Variants in LIN9 observed in about 807,000 individuals in gnomAD.
LIN9 encodes lin-9 DREAM MuvB core complex component.
A neutral mutation model predicts 78.0 loss-of-function variants in LIN9; 18 were observed. The ratio of observed to expected loss-of-function variants is 0.23; its 90% CI spans 0.16 to 0.34. The LOEUF (loss-of-function observed/expected upper bound fraction) is 0.34. Among genes scored for constraint, LIN9 ranks in the 10% least tolerant of loss-of-function variants. The pLI is 1.00. For missense variants in LIN9, 451 were observed against 644.1 expected (o/e 0.70, Z 3.25); for synonymous variants, 192 against 215.2 (o/e 0.89, Z 0.94).
intron 7 of LIN9, among the ~76,000 whole-genome samples, chr1:226,272,715 T>C (rs902699056): frequency 6.6e-5 from 10 of 151,932 alleles, no homozygotes; most frequent in African/African-American, 2.4e-4. Flanking sequence ...CTAGATTGAT[T>C]GTATTCCCAT....
At chr1:226,284,407 G>T (rs1179412452) in intron 6 of LIN9, among the ~76,000 whole-genome samples, 1 of 151,816 alleles carries the variant, frequency 6.6e-6, no homozygotes, top group Admixed American at 6.6e-5. Context: ...TCTTATATGT[G>T]AATTTTAGAA....
intron 2 of LIN9, among the ~76,000 whole-genome samples, chr1:226,300,762 A>G (rs776356288): frequency 6.6e-6 from 1 of 152,120 alleles, no homozygotes; most frequent in Non-Finnish European, 1.5e-5. Flanking sequence ...GGGCTGAGGC[A>G]GGAGAATCGC....
Position 226,303,307 on chromosome 1 carries a change from T to C in LIN9, c.32-2102A>G, listed in dbSNP as rs151314048. Among the ~76,000 whole-genome samples the C allele has an allele frequency of 1.7e-4, 26 of 152,314 alleles. No individual in the cohort carries two copies. The East Asian group carries it at 2.1e-3, about 12-fold the overall frequency. On this transcript the variant is annotated intron_variant, in intron 1 of 14. Coordinates refer to ENST00000681046, the MANE Select transcript of LIN9 (RefSeq NM_001366245.2). ...AAAATAGTCAAAGTCCCTGCTCTCATGGAATGTACATTCTAGTGATGGGAG... is the reference window on the plus strand; with the variant it reads ...AAAATAGTCAAAGTCCCTGCTCTCACGGAATGTACATTCTAGTGATGGGAG...
intron 4 of LIN9, among the ~76,000 whole-genome samples, chr1:226,292,800 T>G (rs900612097): frequency 4.0e-5 from 6 of 151,880 alleles, no homozygotes; most frequent in Non-Finnish European, 5.9e-5. Flanking sequence ...ACAAAGCTGG[T>G]TTTTTTTCTT....
chr1:226,301,106 A>G, intron 2 of LIN9, 67 bp downstream of exon 2: 1 of 1,180,932 alleles, frequency 8.5e-7, no homozygotes, highest in Non-Finnish European at 1.2e-6. Context: ...TGGAAACACT[A>G]TATCCAGATT....
intron 6 of LIN9, among the ~76,000 whole-genome samples, chr1:226,278,902 T>C (rs1455820926): frequency 6.8e-6 from 1 of 147,308 alleles, no homozygotes; most frequent in African/African-American, 2.5e-5. Context: ...CGGGTAGATA[T>C]CGAGGTCAGG....
At chr1:226,298,799 G>GAAGCAAGCCAGGGTCA (rs1662324344) in intron 2 of LIN9, among the ~76,000 whole-genome samples, 4 of 152,056 alleles carry the variant, frequency 2.6e-5, no homozygotes, top group African/African-American at 9.7e-5. Context: ...GGCGAAGGTC[G>GAAGCAAGCCAGGGTCA]AAGCAAGCCA....
At chr1:226,299,642 A>G (rs1243952658) in intron 2 of LIN9, among the ~76,000 whole-genome samples, 1 of 152,224 alleles carries the variant, frequency 6.6e-6, no homozygotes, top group African/African-American at 2.4e-5. Flanking sequence ...TTCTCAAGCT[A>G]GAAGGATTTA....
Position 226,233,393 on chromosome 1 carries a change from T to C in LIN9, c.1376A>G (p.Asn459Ser), listed in dbSNP as rs1159821102. ...AAGCCTGGAAATTAAGTCTGTCAGATTTTCATTTTCAACGCAGGGCTGTCC... is the reference window on the plus strand; with the variant it reads ...AAGCCTGGAAATTAAGTCTGTCAGACTTTCATTTTCAACGCAGGGCTGTCC... ...STGQPCVENE[N>S]LTDLISRLTA... The change falls in exon 13 of 15, where the codon AAT becomes AGT. Residue 459 changes from asparagine to serine, a missense_variant. Transcript: ENST00000681046. 2 of 1,613,758 alleles carry C rather than the reference T, an allele frequency of 1.2e-6. No homozygotes were observed. The highest frequency in any genetic ancestry group is 2.2e-5 in the South Asian group (2 of 90,922).
intron 1 of LIN9, among the ~76,000 whole-genome samples, chr1:226,301,741 G>C (rs939540421): frequency 1.3e-5 from 2 of 152,180 alleles, no homozygotes; most frequent in Non-Finnish European, 2.9e-5. Context: ...CTAGAATAAA[G>C]TTGGAGGGGT....
At chr1:226,292,613 C>T (rs1031083076) in intron 4 of LIN9, among the ~76,000 whole-genome samples, 2 of 151,934 alleles carry the variant, frequency 1.3e-5, no homozygotes, top group African/African-American at 4.8e-5. Flanking sequence ...ACCACCATGC[C>T]TGGCTAATTT....
intron 5 of LIN9, among the ~76,000 whole-genome samples, chr1:226,286,817 T>C (rs1661404899): frequency 6.6e-6 from 1 of 152,202 alleles, no homozygotes; most frequent in Non-Finnish European, 1.5e-5. Context: ...AGGAGTCCTC[T>C]TTGGAATTAA....
chr1:226,279,133 C>T (rs1327752024), intron 6 of LIN9, among the ~76,000 whole-genome samples: 1 of 151,774 alleles, frequency 6.6e-6, no homozygotes, highest in African/African-American at 2.4e-5. Flanking sequence ...TGCGCTCCAG[C>T]CTGGGCAACA....
intron 1 of LIN9, among the ~76,000 whole-genome samples, chr1:226,302,665 T>A (rs1295507372): frequency 6.6e-6 from 1 of 150,496 alleles, no homozygotes; most frequent in African/African-American, 2.4e-5. Context: ...ATCTGAAAAA[T>A]AATAATTAAG....
intron 10 of LIN9, among the ~76,000 whole-genome samples, chr1:226,259,361 T>G (rs1305564172): frequency 6.6e-6 from 1 of 152,118 alleles, no homozygotes; most frequent in African/African-American, 2.4e-5. Flanking sequence ...TAGTTGGAGA[T>G]TTTGATACCC....
At chr1:226,245,378 A>G (rs993569575) in intron 11 of LIN9, among the ~76,000 whole-genome samples, 1 of 152,076 alleles carries the variant, frequency 6.6e-6, no homozygotes, top group Non-Finnish European at 1.5e-5. Flanking sequence ...TCACCAATAC[A>G]GTGTTTTGTT....
intron 1 of LIN9, among the ~76,000 whole-genome samples, chr1:226,308,356 G>GCTACT (rs148332203): frequency 0.026 from 10 of 390 alleles, no homozygotes; most frequent in Non-Finnish European, 0.064. Flanking sequence ...TGTCAGGCAG[G>GCTACT]GTACACGTAC....
chr1:226,250,096 G>C (rs1049661520), intron 11 of LIN9, among the ~76,000 whole-genome samples: 5 of 151,868 alleles, frequency 3.3e-5, no homozygotes, highest in Non-Finnish European at 4.4e-5. Flanking sequence ...CTTGAACCCG[G>C]GAGGTGGAGG....
chr1:226,309,470 T>C, upstream of LIN9: 4 of 1,101,572 alleles, frequency 3.6e-6, no homozygotes, highest in Non-Finnish European at 4.5e-6. Flanking sequence ...CGGGCCCCGC[T>C]CCCGGCGCAT....
Sources: gnomAD v4.1 joint callset for allele counts (sites outside exome capture counted in the v4.1 genomes callset) on GRCh38, gnomAD v4.1.1 for gene constraint, MANE v1.5 for transcripts, NCBI Gene and HGNC (gene_info 2026-07-23, HGNC 2026-07-21) for gene names.